The following TEKTIP1 variants were observed in gnomAD, a reference collection of about 807,000 sequenced individuals.
TEKTIP1 encodes tektin bundle-interacting protein 1.
At chr19:3,543,484 C>CCG in the TEKTIP1 span, 1 of 1,513,480 alleles carries the variant, frequency 6.6e-7, no homozygotes, top group Non-Finnish European at 8.9e-7. Context: ...GTGAGTGCCC[C>CCG]CCCCCCCGCC....
At chr19:3,539,421 C>G in the TEKTIP1 span, 6 of 591,184 alleles carry the variant, frequency 1.0e-5, no homozygotes, top group East Asian at 1.7e-4. Flanking sequence ...TGTTCCCCTC[C>G]GGCCAGTGGC....
At chr19:3,539,234 G>C in the TEKTIP1 span, 1 of 1,550,808 alleles carries the variant, frequency 6.4e-7, no homozygotes, top group Non-Finnish European at 8.7e-7. Context: ...GGACCCTCGA[G>C]GCCAGCTTCC....
the TEKTIP1 span, chr19:3,543,449 C>G: frequency 6.5e-7 from 1 of 1,544,846 alleles, no homozygotes; most frequent in East Asian, 2.4e-5. Flanking sequence ...CTGCTACCAA[C>G]ACCGTGAGTG....
the TEKTIP1 span, chr19:3,539,648 G>A: frequency 4.7e-5 from 10 of 212,874 alleles, no homozygotes; most frequent in African/African-American, 2.0e-4. Flanking sequence ...GGCACTCCTT[G>A]GCCCCCGGTC....
chr19:3,543,368 T>C, the TEKTIP1 span: 1 of 1,548,934 alleles, frequency 6.5e-7, no homozygotes, highest in Non-Finnish European at 8.7e-7. Flanking sequence ...CTCGGACGCC[T>C]GGGAAGCCTG....
the TEKTIP1 span, chr19:3,543,530 A>G: frequency 6.9e-7 from 1 of 1,451,690 alleles, no homozygotes; most frequent in South Asian, 1.3e-5. Flanking sequence ...GACAGGAATG[A>G]CCGCCAGCCC....
the TEKTIP1 span, among the ~76,000 whole-genome samples, chr19:3,540,311 G>A: frequency 1.3e-5 from 2 of 151,046 alleles, no homozygotes; most frequent in African/African-American, 4.9e-5. Context: ...AGACTGGAAC[G>A]CAATGGTGCA....
the TEKTIP1 span, chr19:3,539,391 AC>A: frequency 1.6e-6 from 1 of 624,526 alleles, no homozygotes; most frequent in Non-Finnish European, 2.9e-6. Flanking sequence ...CATGTGTGTG[AC>A]GTCCCCTCCA....
chr19:3,543,903 C>T, the TEKTIP1 span: 14 of 1,551,098 alleles, frequency 9.0e-6, no homozygotes, highest in African/African-American at 5.5e-5. Context: ...GTCGGCACCC[C>T]AGCGCCCGCC....
the TEKTIP1 span, chr19:3,541,798 A>C: frequency 2.0e-6 from 2 of 984,762 alleles, no homozygotes; most frequent in South Asian, 9.4e-5. Flanking sequence ...TTCTCATTGA[A>C]TATTATTCTG....
chr19:3,543,560 A>G, the TEKTIP1 span: 8 of 1,532,684 alleles, frequency 5.2e-6, no homozygotes, highest in Non-Finnish European at 5.3e-6. Context: ...CGCAGCCTAC[A>G]CCCAGCACCT....
the TEKTIP1 span, chr19:3,543,849 G>A: frequency 1.6e-4 from 243 of 1,543,652 alleles, 3 homozygotes; most frequent in South Asian, 1.5e-3. Flanking sequence ...GAACCGGTAC[G>A]GGGTGGAGCC....
the TEKTIP1 span, among the ~76,000 whole-genome samples, chr19:3,540,515 C>G: frequency 2.0e-5 from 3 of 151,638 alleles, no homozygotes; most frequent in Admixed American, 6.6e-5. Context: ...CTTGGCCTCC[C>G]AAAGTGCTGG....
At chr19:3,541,060 T>G in the TEKTIP1 span, among the ~76,000 whole-genome samples, 3 of 148,182 alleles carry the variant, frequency 2.0e-5, no homozygotes, top group Non-Finnish European at 4.5e-5. Flanking sequence ...TCCCAGCTAC[T>G]CGGGAGGCTG....
At chr19:3,544,005 C>T in the TEKTIP1 span, 560 of 1,538,374 alleles carry the variant, frequency 3.6e-4, no homozygotes, top group Middle Eastern at 5.1e-4. Flanking sequence ...ACCCACTCCC[C>T]GATAAAGGCA....
At chr19:3,539,354 C>T in the TEKTIP1 span, 366 of 727,368 alleles carry the variant, frequency 5.0e-4, 1 homozygote, top group African/African-American at 6.1e-3. Context: ...GGGTCTTGCA[C>T]GTGTCACTCG....
the TEKTIP1 span, among the ~76,000 whole-genome samples, chr19:3,540,629 C>T: frequency 1.3e-5 from 2 of 151,490 alleles, no homozygotes; most frequent in African/African-American, 4.8e-5. Context: ...CCTGTAATTC[C>T]AGCACTTTCG....
the TEKTIP1 span, chr19:3,543,488 C>A: frequency 1.3e-6 from 2 of 1,520,540 alleles, no homozygotes; most frequent in East Asian, 4.9e-5. Context: ...GTGCCCCCCC[C>A]CCCGCCCTGG....
the TEKTIP1 span, chr19:3,543,158 C>A: frequency 6.6e-7 from 1 of 1,516,146 alleles, no homozygotes; most frequent in Non-Finnish European, 8.8e-7. Context: ...ACATCATCCA[C>A]CCTGGCAGAC....
Sources: allele counts gnomAD v4.1 joint callset (sites outside exome capture counted in the v4.1 genomes callset), GRCh38; gene constraint gnomAD v4.1.1; transcripts MANE v1.5; gene names NCBI Gene and HGNC (gene_info 2026-07-23, HGNC 2026-07-21).